FNDC3B: variants seen among roughly 807,000 people sequenced by gnomAD.
FNDC3B encodes the protein fibronectin type III domain-containing protein 3B.
A neutral mutation model predicts 151.5 loss-of-function variants in FNDC3B; 12 were observed. That is an observed-to-expected ratio of 0.08 (90% CI 0.05 to 0.13). FNDC3B has a LOEUF of 0.13. Ranked by LOEUF, FNDC3B falls within the 10% of genes least tolerant of loss-of-function variation. The pLI is 1.00. For missense variants in FNDC3B, 1,214 were observed against 1,505.3 expected, an observed-to-expected ratio of 0.81 and a Z score of 3.20; for synonymous variants, 528 against 549.0, an observed-to-expected ratio of 0.96 and a Z score of 0.54.
At position 172,292,069 on chromosome 3, in the gene FNDC3B, GA is replaced by G. The variant is rs557460369; in HGVS notation, c.850-3291del. Among the ~76,000 whole-genome samples, 729 of 152,282 alleles carry G rather than the reference GA, an allele frequency of 4.8e-3. 7 individuals carry two copies. Among genetic ancestry groups the G allele is most frequent in the African/African-American group, 0.017 (711 of 41,536 alleles). ...CAGTTTCTGGAATCAGCCTTAAGTG[GA>G]AACAAGTTCCAAGTCCTAATGGAGA... On this transcript the variant is annotated intron_variant, in intron 7 of 25. Transcript: ENST00000415807.
chr3:172,248,678 T>TTA (rs1023420269), intron 5 of FNDC3B, among the ~76,000 whole-genome samples: 14 of 148,208 alleles, frequency 9.4e-5, no homozygotes, highest in East Asian at 3.9e-4. Context: ...CTTTTAAGAA[T>TTA]TATATATATA....
chr3:172,378,330 C>A lies in FNDC3B; in HGVS notation c.3069C>A (p.Phe1023Leu). ...HTYKVQRLTEFTCYSFRIQAA... is the reference protein window; with the variant it reads ...HTYKVQRLTELTCYSFRIQAA... ...ACAAGGTCCAGAGACTGACGGAATT[C>A]ACATGCTACTCCTTCAGAATCCAGG... Residue 1023 changes from phenylalanine to leucine, a missense_variant, in exon 24 of 26, where the codon TTC (phenylalanine) becomes TTA (leucine). Phe to Leu is a conservative substitution (Grantham distance 22). Transcript: ENST00000415807. The A allele has an allele frequency of 6.2e-7, 1 of 1,613,936 alleles. No homozygotes were observed. The highest frequency in any genetic ancestry group is 8.5e-7 in the Non-Finnish European group (1 of 1,179,930).
chr3:172,223,843 G>C (rs1387135333), intron 3 of FNDC3B, among the ~76,000 whole-genome samples: 1 of 152,196 alleles, frequency 6.6e-6, no homozygotes, highest in Non-Finnish European at 1.5e-5. Context: ...GCATTGTAAA[G>C]AATAATGATA....
intron 1 of FNDC3B, among the ~76,000 whole-genome samples, chr3:172,084,727 C>G (rs1718465286): frequency 1.3e-5 from 2 of 152,192 alleles, no homozygotes. Context: ...TATTCGGCTT[C>G]TTATCTCCTT....
rs552408554 is a variant in FNDC3B at position 172,143,757 on chromosome 3, A to G, written c.187+10211A>G. ...AACCTTGTCTCAACTAAAAATACAA[A>G]AATTAGCTGGGCGTGGTGGCACACA... On this transcript the variant is annotated intron_variant, in intron 3 of 25. Transcript: ENST00000415807. Among the ~76,000 whole-genome samples the G allele has an allele frequency of 7.1e-4, 108 of 152,058 alleles. 1 individual carries two copies. The highest frequency in any genetic ancestry group is 3.4e-3 in the Middle Eastern group (1 of 294).
At chr3:172,296,309 A>G (rs901424053) in intron 8 of FNDC3B, among the ~76,000 whole-genome samples, 3 of 151,720 alleles carry the variant, frequency 2.0e-5, no homozygotes, top group African/African-American at 4.8e-5. Flanking sequence ...TTTCTCCCCT[A>G]TTTTCCTGCT....
At chr3:172,180,718 A>T (rs1417538412) in intron 3 of FNDC3B, among the ~76,000 whole-genome samples, 1 of 152,206 alleles carries the variant, frequency 6.6e-6, no homozygotes, top group African/African-American at 2.4e-5. Flanking sequence ...AAATGGGCAG[A>T]CAGTCATTGG....
intron 23 of FNDC3B, among the ~76,000 whole-genome samples, chr3:172,375,782 A>G (rs1021753103): frequency 1.3e-5 from 2 of 152,148 alleles, no homozygotes; most frequent in Non-Finnish European, 2.9e-5. Flanking sequence ...GGAAGAAAGA[A>G]CCACCCCTTT....
At chr3:172,250,767 T>G (rs1450601508) in intron 5 of FNDC3B, among the ~76,000 whole-genome samples, 4 of 152,210 alleles carry the variant, frequency 2.6e-5, no homozygotes, top group Non-Finnish European at 5.9e-5. Context: ...CTTGATTGGT[T>G]AGAAACAAAT....
intron 11 of FNDC3B, chr3:172,317,145 T>C: frequency 2.2e-6 from 1 of 448,516 alleles, no homozygotes; most frequent in Non-Finnish European, 4.4e-6. Flanking sequence ...AATGACCACC[T>C]CTCAACATGT....
chr3:172,377,469 G>A (rs962073792), intron 23 of FNDC3B, among the ~76,000 whole-genome samples: 1 of 152,144 alleles, frequency 6.6e-6, no homozygotes, highest in African/African-American at 2.4e-5. Flanking sequence ...TTGTGAAAAC[G>A]TTGTTTTCAA....
chr3:172,122,218 A>T (rs1451120777), intron 2 of FNDC3B, among the ~76,000 whole-genome samples: 3 of 152,238 alleles, frequency 2.0e-5, no homozygotes, highest in African/African-American at 7.2e-5. Flanking sequence ...GACAGTAGTA[A>T]GCAAGCTGCG....
intron 3 of FNDC3B, among the ~76,000 whole-genome samples, chr3:172,208,442 A>G (rs1725540347): frequency 6.6e-6 from 1 of 152,226 alleles, no homozygotes; most frequent in African/African-American, 2.4e-5. Flanking sequence ...GGGCATGAGT[A>G]TATCGAGAAC....
At chr3:172,127,787 T>G (rs1720878552) in intron 2 of FNDC3B, among the ~76,000 whole-genome samples, 1 of 152,144 alleles carries the variant, frequency 6.6e-6, no homozygotes, top group African/African-American at 2.4e-5. Flanking sequence ...TGCCTCAGCC[T>G]CCAGAGTAGC....
At chr3:172,130,056 C>T (rs977875500) in intron 2 of FNDC3B, among the ~76,000 whole-genome samples, 2 of 151,894 alleles carry the variant, frequency 1.3e-5, no homozygotes, top group Non-Finnish European at 2.9e-5. Flanking sequence ...GGTTAAGTGC[C>T]GGGAGTTGGC....
chr3:172,091,873 G>GGTGGGTGTGTGTGTGT (rs1553760107), intron 1 of FNDC3B, among the ~76,000 whole-genome samples: 2 of 124,756 alleles, frequency 1.6e-5, no homozygotes, highest in Non-Finnish European at 3.3e-5. Context: ...ACTTTACTGG[G>GGTGGGTGTGTGTGTGT]GTGTGTGTGT....
At chr3:172,170,502 T>C (rs1280390588) in intron 3 of FNDC3B, among the ~76,000 whole-genome samples, 4 of 152,208 alleles carry the variant, frequency 2.6e-5, no homozygotes, top group Non-Finnish European at 5.9e-5. Context: ...TACATCCCTG[T>C]AGTTGTCCCC....
chr3:172,260,642 C>T (rs1268041297), intron 6 of FNDC3B, among the ~76,000 whole-genome samples: 1 of 152,134 alleles, frequency 6.6e-6, no homozygotes, highest in Admixed American at 6.5e-5. Context: ...TTGGGCAAGG[C>T]GTCCTGCAGG....
rs1726550988 is a variant in FNDC3B, at chr3:172,226,077, G to T, written c.188-794G>T. On this transcript the variant is annotated intron_variant, in intron 3 of 25. Transcript: ENST00000415807. ...AATCCCAGCACTTTGGGAGGCCAAGGCAGGCGGGTCTTGAGGTCAGGAGTT... is the reference window on the plus strand; with the variant it reads ...AATCCCAGCACTTTGGGAGGCCAAGTCAGGCGGGTCTTGAGGTCAGGAGTT... Among the ~76,000 whole-genome samples the T allele has an allele frequency of 2.6e-5, 4 of 152,068 alleles. No individual in the cohort carries two copies. In the South Asian group the frequency reaches 8.3e-4, roughly 32 times the overall value.
Sources: allele counts gnomAD v4.1 joint callset (sites outside exome capture counted in the v4.1 genomes callset), GRCh38; gene constraint gnomAD v4.1.1; transcripts MANE v1.5; gene names NCBI Gene and HGNC (gene_info 2026-07-23, HGNC 2026-07-21).